Variants in GPHN observed in about 807,000 individuals in gnomAD.
GPHN encodes gephyrin.
GPHN carries 17 observed loss-of-function variants against 95.5 expected under a neutral mutation model. The ratio of observed to expected loss-of-function variants is 0.18; its 90% CI spans 0.12 to 0.27. The LOEUF (loss-of-function observed/expected upper bound fraction) is 0.27. Ranked by LOEUF, GPHN falls within the 10% of genes least tolerant of loss-of-function variation. GPHN has a pLI of 1.00. For synonymous variants in GPHN, 320 were observed against 322.5 expected, an observed-to-expected ratio of 0.99 and a Z score of 0.08; for missense variants, 660 against 978.1, an observed-to-expected ratio of 0.67 and a Z score of 4.34.
At chr14:67,502,458 T>TC in the GPHN span, among the ~76,000 whole-genome samples, 1 of 147,756 alleles carries the variant, frequency 6.8e-6, no homozygotes, top group East Asian at 2.0e-4. Flanking sequence ...GGTGATTTCT[T>TC]TTTTTTTTTT....
At chr14:67,599,715 C>T in the GPHN span, among the ~76,000 whole-genome samples, 1 of 152,146 alleles carries the variant, frequency 6.6e-6, no homozygotes, top group Non-Finnish European at 1.5e-5. Context: ...GCCTATACTA[C>T]ATAGAACACA....
At chr14:67,342,921 A>G in the GPHN span, among the ~76,000 whole-genome samples, 1 of 152,290 alleles carries the variant, frequency 6.6e-6, no homozygotes, top group East Asian at 1.9e-4. Flanking sequence ...TAGTGAAATA[A>G]AAGAGATGGA....
chr14:66,961,955 TCTCCCAGAAATTTACTC>T (rs2068976067), intron 8 of GPHN, among the ~76,000 whole-genome samples: 1 of 124,954 alleles, frequency 8.0e-6, no homozygotes, highest in Admixed American at 8.1e-5. Flanking sequence ...TATACACATA[TCTCCCAGAAATTTACTC>T]ACATGGGTAT....
chr14:67,685,143 G>C, the GPHN span: 5 of 1,614,184 alleles, frequency 3.1e-6, no homozygotes, highest in Non-Finnish European at 4.2e-6. Context: ...TGAAAGATGA[G>C]TGCCGAACCA....
chr14:67,557,551 G>A, the GPHN span: 1 of 733,434 alleles, frequency 1.4e-6, no homozygotes. Flanking sequence ...ATTCTTTTAT[G>A]TGAAAATTTA....
the GPHN span, among the ~76,000 whole-genome samples, chr14:67,678,630 C>T: frequency 1.3e-5 from 2 of 152,202 alleles, no homozygotes; most frequent in Non-Finnish European, 2.9e-5. Context: ...GCTAGACCAC[C>T]TCTCATCAGA....
chr14:67,307,725 T>G, the GPHN span, among the ~76,000 whole-genome samples: 1 of 152,184 alleles, frequency 6.6e-6, no homozygotes, highest in Non-Finnish European at 1.5e-5. Context: ...CTATTTTCTC[T>G]TCTACAATGA....
the GPHN span, among the ~76,000 whole-genome samples, chr14:67,700,890 C>T: frequency 1.4e-5 from 2 of 147,382 alleles, no homozygotes; most frequent in African/African-American, 2.5e-5. Context: ...CTGGGCACGG[C>T]GGCGAATGCC....
chr14:67,593,254 C>G, the GPHN span: 1 of 173,376 alleles, frequency 5.8e-6, no homozygotes, highest in East Asian at 1.7e-4. Context: ...CTTGGGGAGG[C>G]CACAGCAGGA....
chr14:67,204,136 C>T, the GPHN span, among the ~76,000 whole-genome samples: 1 of 152,066 alleles, frequency 6.6e-6, no homozygotes, highest in Non-Finnish European at 1.5e-5. Context: ...CTTCAAACTA[C>T]TATAAAATAT....
chr14:67,678,177 T>G, the GPHN span: 7 of 602,084 alleles, frequency 1.2e-5, no homozygotes, highest in Non-Finnish European at 2.1e-5. Flanking sequence ...ACACTGAGTT[T>G]TAACTGGACA....
the GPHN span, chr14:67,562,355 A>G: frequency 6.2e-7 from 1 of 1,613,834 alleles, no homozygotes; most frequent in South Asian, 1.1e-5. Context: ...TTCTAGTTCC[A>G]GCACGGTCCA....
At chr14:67,056,392 G>A (rs558126123) in intron 10 of GPHN, among the ~76,000 whole-genome samples, 61 of 152,166 alleles carry the variant, frequency 4.0e-4, no homozygotes, top group Admixed American at 1.0e-3. Context: ...ACTGATTGGT[G>A]CATTTATAAA....
intron 18 of GPHN, among the ~76,000 whole-genome samples, chr14:67,152,459 T>A (rs2081337104): frequency 7.3e-6 from 1 of 137,844 alleles, no homozygotes; most frequent in Non-Finnish European, 1.5e-5. Context: ...CAAGACTTTA[T>A]TTAACTCAAC....
chr14:67,101,038 A>G lies in GPHN; in HGVS notation c.1293+127A>G, dbSNP rs2077672570. On this transcript the variant is annotated intron_variant, in intron 13 of 22. Transcript: ENST00000478722. ...GATTAGTCAGAAGATTATCAAAGGG[A>G]TGAAAGTATAGTTCCCAGGAGAACC... The G allele has an allele frequency of 8.5e-6, 6 of 706,668 alleles. No homozygotes were observed. In the African/African-American group the frequency reaches 8.8e-5, roughly 10 times the overall value. 43.8% of individuals were successfully genotyped at this position (706,668 alleles called of 1,614,324 possible). A position where few individuals can be genotyped will look rare whatever the true frequency, so the allele number is the denominator to read the frequency against.
the GPHN span, among the ~76,000 whole-genome samples, chr14:67,387,770 G>C: frequency 6.6e-6 from 1 of 152,162 alleles, no homozygotes; most frequent in African/African-American, 2.4e-5. Context: ...AATCCAGTAT[G>C]TTTATGTTAA....
intron 10 of GPHN, among the ~76,000 whole-genome samples, chr14:67,051,131 G>A (rs6573747): frequency 0.35 from 51,191 of 148,080 alleles, 13,987 homozygotes; most frequent in African/African-American, 0.74. Flanking sequence ...CCTGCTGCCA[G>A]AGATGACTGA....
the GPHN span, chr14:67,359,616 T>A: frequency 5.0e-5 from 80 of 1,611,988 alleles, no homozygotes; most frequent in Non-Finnish European, 6.5e-5. Flanking sequence ...CGCTCCGGGT[T>A]CCTAAACCTG....
chr14:67,542,570 CAT>C, the GPHN span, among the ~76,000 whole-genome samples: 1 of 152,210 alleles, frequency 6.6e-6, no homozygotes, highest in African/African-American at 2.4e-5. Context: ...AAGGTCCTGA[CAT>C]AGAATAGGTC....
Sources: gnomAD v4.1 joint callset for allele counts (sites outside exome capture counted in the v4.1 genomes callset) on GRCh38, gnomAD v4.1.1 for gene constraint, MANE v1.5 for transcripts, NCBI Gene and HGNC (gene_info 2026-07-23, HGNC 2026-07-21) for gene names.